ORAI2: variants seen among roughly 807,000 people sequenced by gnomAD.
The protein encoded by ORAI2 is protein orai-2.
In ORAI2, 10 loss-of-function variants were observed where a neutral mutation model predicts 16.2. The ratio of observed to expected loss-of-function variants is 0.62; its 90% confidence interval spans 0.38 to 1.04. The LOEUF is 1.04. Among genes scored for constraint, ORAI2 ranks in the 50% least tolerant of loss-of-function variants. The pLI, the probability that ORAI2 is intolerant of heterozygous loss-of-function variation, is 0.01. For missense variants in ORAI2, 238 were observed against 355.5 expected, an observed-to-expected ratio of 0.67 and a Z score of 2.66; for synonymous variants, 150 against 157.5, an observed-to-expected ratio of 0.95 and a Z score of 0.35.
At chr7:102,437,050 G>A (rs1022306308) in intron 2 of ORAI2, among the ~76,000 whole-genome samples, 3 of 152,198 alleles carry the variant, frequency 2.0e-5, no homozygotes, top group African/African-American at 4.8e-5. Flanking sequence ...TGGGACACAC[G>A]CGACCGCCAA....
In ORAI2 at chr7:102,446,855, A is replaced by G. The variant is rs1471916681; in HGVS notation, c.568A>G (p.Ser190Gly). 1.2e-6 allele frequency: 2 copies of G among 1,613,696 alleles called. No homozygotes were observed. Residue 190 changes from serine to glycine, a missense_variant, in exon 4 of 4, where the codon AGT becomes GGT. Ser to Gly is a moderately conservative substitution (Grantham distance 56). Transcript: ENST00000495936. ...GCCTGGCCCCCCACCTGGCCCTGGGAGTCACACGGGCTGGCAGGCCGCCCT... is the reference window on the plus strand; with the variant it reads ...GCCTGGCCCCCCACCTGGCCCTGGGGGTCACACGGGCTGGCAGGCCGCCCT... ...RQPGPPPGPG[S>G]HTGWQAALVS...
At chr7:102,438,915 G>T in intron 2 of ORAI2, 29 bp from the exon 3 acceptor site, 1 of 1,604,024 alleles carries the variant, frequency 6.2e-7, no homozygotes, top group East Asian at 2.2e-5. Flanking sequence ...AACCTAGGAT[G>T]TCTGAGCATG....
At position 102,455,914 on chromosome 7, in the gene ORAI2, T is replaced by A. The variant is rs4729789; in HGVS notation, c.*8862T>A. 6.6e-6 allele frequency: 1 copy of A among 152,266 alleles called. No homozygotes were observed. Among genetic ancestry groups the A allele is most frequent in the Non-Finnish European group, 1.5e-5 (1 of 68,090 alleles). 9.4% of individuals were successfully genotyped at this position (152,266 alleles called of 1,614,324 possible). A position where few individuals can be genotyped will look rare whatever the true frequency, so the allele number is the denominator to read the frequency against. ...CCTCCTGGGAGCTCAGTGGCTGGGA[T>A]GCTGCTTTACAGACAGTGCACGGCT... is the stretch of plus-strand genomic sequence containing the variant. On this transcript the variant is annotated 3_prime_UTR_variant, in exon 4 of 4. Coordinates refer to ENST00000495936, the MANE Select transcript of ORAI2 (RefSeq NM_001126340.3).
intron 3 of ORAI2, among the ~76,000 whole-genome samples, chr7:102,441,961 C>T (rs902751143): frequency 7.2e-5 from 11 of 152,122 alleles, no homozygotes; most frequent in Non-Finnish European, 1.6e-4. Context: ...GTACAGATTG[C>T]TGGGTAGAGT....
At position 102,446,550 on chromosome 7, in the gene ORAI2, A is replaced by C. The variant is rs775898267; in HGVS notation, c.263A>C (p.Gln88Pro). ...MVEVQLETQY[Q>P]YPRPLLIAFS... ...GAGGTGCAGCTGGAGACGCAGTACC[A>C]GTACCCGCGGCCGCTGCTGATTGCC... Residue 88 changes from glutamine (Q) to proline (P), a missense_variant, in exon 4 of 4, where the codon CAG becomes CCG. Physicochemically the swap from Gln to Pro is moderately conservative, Grantham distance 76. Coordinates refer to ENST00000495936, the MANE Select transcript of ORAI2 (RefSeq NM_001126340.3). The C allele has an allele frequency of 6.2e-7, 1 of 1,612,038 alleles. No individual in the cohort carries two copies. Among genetic ancestry groups the C allele is most frequent in the Non-Finnish European group, 8.5e-7 (1 of 1,179,568 alleles).
At position 102,455,202 on chromosome 7, in the gene ORAI2, AAGAAAG is replaced by A. The variant is rs1017209050; in HGVS notation, c.*8157_*8162del. 1.3e-5 allele frequency: 2 copies of A among 152,550 alleles called. No individual in the cohort carries two copies. Among genetic ancestry groups the A allele is most frequent in the South Asian group, 2.1e-4 (1 of 4,846 alleles). The allele number at this position is 152,550 out of a possible 1,614,324, so 9.4% of individuals were successfully genotyped here. A position where few individuals can be genotyped will look rare whatever the true frequency, so the allele number is the denominator to read the frequency against. On this transcript the variant is annotated 3_prime_UTR_variant, in exon 4 of 4. Transcript: ENST00000495936. ...GCCCCGCCGCCTGAAAGAAAGAAAAAAGAAAGAGAAAGGAAGAGAAAGAAAGGAAAA... is the reference window on the plus strand; with the variant it reads ...GCCCCGCCGCCTGAAAGAAAGAAAAAAGAAAGGAAGAGAAAGAAAGGAAAA...
chr7:102,448,042 G>A lies in ORAI2; in HGVS notation c.*990G>A, dbSNP rs1797419548. The A allele has an allele frequency of 6.6e-6, 1 of 152,370 alleles. No individual in the cohort carries two copies. Among genetic ancestry groups the A allele is most frequent in the Non-Finnish European group, 1.5e-5 (1 of 68,142 alleles). 9.4% of individuals were successfully genotyped at this position (152,370 alleles called of 1,614,324 possible). A position where few individuals can be genotyped will look rare whatever the true frequency, so the allele number is the denominator to read the frequency against. The stretch of plus-strand genomic sequence containing the variant: ...CTTGCCCATGGCCCTAGGCAGCGAG[G>A]GGACAGCCTGGGGGACTTCCTGCCT... On this transcript the variant is annotated 3_prime_UTR_variant, in exon 4 of 4. Coordinates refer to ENST00000495936, the MANE Select transcript of ORAI2 (RefSeq NM_001126340.3).
chr7:102,445,143 C>T (rs748846533), intron 3 of ORAI2, among the ~76,000 whole-genome samples: 22 of 152,378 alleles, frequency 1.4e-4, no homozygotes, highest in South Asian at 1.0e-3. Flanking sequence ...TCACCTTTCC[C>T]GAGCTTTAGA....
chr7:102,436,417 T>G (rs1263786314), intron 2 of ORAI2, 84 bp downstream of exon 2: 1 of 860,554 alleles, frequency 1.2e-6, no homozygotes, highest in Non-Finnish European at 1.4e-6. Context: ...TTTGTAGCCT[T>G]GTTGAGAACA....
Position 102,439,194 on chromosome 7 carries a change from G to A in ORAI2, c.225+13G>A, listed in dbSNP as rs375072448. The A allele has an allele frequency of 5.2e-5, 83 of 1,605,510 alleles. No individual in the cohort carries two copies. Among genetic ancestry groups the A allele is most frequent in the South Asian group, 2.1e-4 (19 of 90,882 alleles). Reference sequence around the variant, plus strand: ...CGGCTTTGCCATGGTGAGTGTGGGCGCCAAGTGAGGAGCACACTGGTCAGA... The same window carrying A: ...CGGCTTTGCCATGGTGAGTGTGGGCACCAAGTGAGGAGCACACTGGTCAGA... On this transcript the variant is annotated intron_variant, in intron 3 of 3. Coordinates refer to ENST00000495936, the MANE Select transcript of ORAI2 (RefSeq NM_001126340.3).
chr7:102,447,471 C>A lies in ORAI2; in HGVS notation c.*419C>A. On this transcript the variant is annotated 3_prime_UTR_variant, in exon 4 of 4. Coordinates refer to ENST00000495936, the MANE Select transcript of ORAI2 (RefSeq NM_001126340.3). ...TCAGAGAAGGATTGCCCCAGAGACC[C>A]GTGGTGGACTTCATGGGTGCTGAGT... 1 of 191,102 alleles carries A rather than the reference C, an allele frequency of 5.2e-6. No individual in the cohort carries two copies. The highest frequency in any genetic ancestry group is 1.1e-4 in the South Asian group (1 of 9,280). The allele number at this position is 191,102 out of a possible 1,614,324, so 11.8% of individuals were successfully genotyped here. A position where few individuals can be genotyped will look rare whatever the true frequency, so the allele number is the denominator to read the frequency against.
At chr7:102,445,484 C>T (rs926387801) in intron 3 of ORAI2, among the ~76,000 whole-genome samples, 2 of 152,012 alleles carry the variant, frequency 1.3e-5, no homozygotes, top group African/African-American at 4.8e-5. Context: ...AGGTCTCACT[C>T]TGTCACCCGG....
At chr7:102,438,083 C>A (rs1402260236) in intron 2 of ORAI2, among the ~76,000 whole-genome samples, 1 of 150,738 alleles carries the variant, frequency 6.6e-6, no homozygotes, top group East Asian at 2.0e-4. Context: ...CGCGGTGGGT[C>A]ACACCTGTAA....
intron 3 of ORAI2, among the ~76,000 whole-genome samples, 200 bp downstream of exon 3, chr7:102,439,381 G>T (rs1797139677): frequency 6.6e-6 from 1 of 152,164 alleles, no homozygotes; most frequent in African/African-American, 2.4e-5. Context: ...GTTGCCAGGG[G>T]CTCCCAGCTC....
At position 102,452,748 on chromosome 7, in the gene ORAI2, G is replaced by A. The variant is rs1253965284; in HGVS notation, c.*5696G>A. 6.6e-6 allele frequency: 1 copy of A among 151,758 alleles called. No individual in the cohort carries two copies. The highest frequency in any genetic ancestry group is 2.4e-5 in the African/African-American group (1 of 41,292). 9.4% of individuals were successfully genotyped at this position (151,758 alleles called of 1,614,324 possible). A position where few individuals can be genotyped will look rare whatever the true frequency, so the allele number is the denominator to read the frequency against. On this transcript the variant is annotated 3_prime_UTR_variant, in exon 4 of 4. Coordinates refer to ENST00000495936, the MANE Select transcript of ORAI2 (RefSeq NM_001126340.3). ...CGAGCCACCATGCCTGGCCCATTCT[G>A]TTTTTTGTCGGCCACTGAGGTAGAG... is the stretch of plus-strand genomic sequence containing the variant.
rs1488842811 is a variant in ORAI2 at position 102,433,828 on chromosome 7, C to T, written c.-123+167C>T. The stretch of plus-strand genomic sequence containing the variant: ...GACCTCCACCCCGCGGGATCCCTGG[C>T]GGGGTGCGGCGCCCAGAGGATCAGG... On this transcript the variant is annotated intron_variant, in intron 1 of 3. Coordinates refer to ENST00000495936, the MANE Select transcript of ORAI2 (RefSeq NM_001126340.3). This position sits in a 1 kb window ranked among gnomAD's most constrained non-coding sequence, Gnocchi z 4.6. 1.3e-5 allele frequency among the ~76,000 whole-genome samples: 2 copies of T among 151,944 alleles called. No homozygotes were observed. Among genetic ancestry groups the T allele is most frequent in the Admixed American group, 6.5e-5 (1 of 15,272 alleles).
At chr7:102,434,275 C>A (rs144148657) in intron 1 of ORAI2, among the ~76,000 whole-genome samples, 2 of 152,078 alleles carry the variant, frequency 1.3e-5, no homozygotes, top group Non-Finnish European at 2.9e-5. Flanking sequence ...TCTGTCCCTC[C>A]CCCTGGGCCA....
intron 3 of ORAI2, among the ~76,000 whole-genome samples, chr7:102,441,058 A>G (rs1372475813): frequency 1.3e-5 from 2 of 151,242 alleles, no homozygotes; most frequent in African/African-American, 4.9e-5. Flanking sequence ...ACGCCCAGCT[A>G]ATTTTGATAT....
chr7:102,446,546 T>C lies in ORAI2; in HGVS notation c.259T>C (p.Tyr87His), dbSNP rs1364229442. 3.7e-6 allele frequency: 6 copies of C among 1,611,844 alleles called. No individual in the cohort carries two copies. The highest frequency in any genetic ancestry group is 5.1e-6 in the Non-Finnish European group (6 of 1,179,472). The change falls in exon 4 of 4, where the codon TAC becomes CAC. Residue 87 changes from tyrosine (Y) to histidine (H), a missense_variant. This residue lies in a region of ORAI2 where 176 missense variants were observed against 265.9 expected (regional missense o/e 0.66). Transcript: ENST00000495936. ...AMVEVQLETQ[Y>H]QYPRPLLIAF... ...GGTGGAGGTGCAGCTGGAGACGCAG[T>C]ACCAGTACCCGCGGCCGCTGCTGAT... is the stretch of plus-strand genomic sequence containing the variant.
Sources: gnomAD v4.1 joint callset for allele counts (sites outside exome capture counted in the v4.1 genomes callset) on GRCh38, gnomAD v4.1.1 for gene constraint, gnomAD v4.1.1 regional missense constraint, Gnocchi (gnomAD v3.1) non-coding constraint, MANE v1.5 for transcripts, NCBI Gene and HGNC (gene_info 2026-07-23, HGNC 2026-07-21) for gene names.